Variants in OSBPL10 observed in about 807,000 individuals in gnomAD.
OSBPL10 encodes oxysterol-binding protein-related protein 10.
In OSBPL10, 49 loss-of-function variants were observed where a neutral mutation model predicts 81.7. The observed-to-expected ratio is 0.60, with a 90% CI of 0.48 to 0.76. The LOEUF is 0.76. Among genes scored for constraint, OSBPL10 ranks in the 30% least tolerant of loss-of-function variants. OSBPL10 has a pLI of 0.00. For missense variants in OSBPL10, 923 were observed against 987.8 expected, an observed-to-expected ratio of 0.93 and a Z score of 0.88; for synonymous variants, 419 against 383.6, an observed-to-expected ratio of 1.09 and a Z score of -1.08.
At position 31,741,103 on chromosome 3, in the gene OSBPL10, C is replaced by G. The variant is rs543270605; in HGVS notation, c.940+6807G>C. 1.0e-3 allele frequency among the ~76,000 whole-genome samples: 157 copies of G among 152,266 alleles called. 2 individuals carry two copies. Among genetic ancestry groups the G allele is most frequent in the Non-Finnish European group, 1.7e-3 (115 of 68,022 alleles). On this transcript the variant is annotated intron_variant, in intron 5 of 11. Transcript: ENST00000396556. ...CTACAAGGCCCCTGCAAGGTCTTTC[C>G]TCTTCCTGTAACAGTGAATTCATGC...
rs78395032 is a variant in OSBPL10, at chr3:32,046,152, G to T, written n.298+339C>A. The stretch of plus-strand genomic sequence containing the variant: ...CCTAGCACTTTGGGAGGCCAAGGAG[G>T]GAGGATCAGGAGTTCAAGGTTGCAC... On this transcript the variant is annotated intron_variant and non_coding_transcript_variant, in intron 2 of 3. Transcript: ENST00000479173. Among the ~76,000 whole-genome samples the T allele has an allele frequency of 5.1e-3, 781 of 152,324 alleles. 21 individuals are homozygous for T. In the East Asian group the frequency reaches 0.088, roughly 17 times the overall value.
rs77467912 is a variant in OSBPL10 at position 31,792,860 on chromosome 3, C to G, written c.729+37180G>C. 5.0e-3 allele frequency among the ~76,000 whole-genome samples: 632 copies of G among 126,734 alleles called. 9 individuals carry two copies. Among genetic ancestry groups the G allele is most frequent in the Middle Eastern group, 0.016 (4 of 250 alleles). The allele number at this position is 126,734 out of a possible 152,430, so 83.1% of individuals were successfully genotyped here. The stretch of plus-strand genomic sequence containing the variant: ...TTGCACTCTCAGCTATCTAGGCACT[C>G]TGTGTGTGTGTGTGTGTGTGTGTGT... On this transcript the variant is annotated intron_variant, in intron 4 of 11. Transcript: ENST00000396556.
chr3:31,812,311 C>T (rs905049265), intron 4 of OSBPL10, among the ~76,000 whole-genome samples: 2 of 152,210 alleles, frequency 1.3e-5, no homozygotes, highest in African/African-American at 2.4e-5. Flanking sequence ...GGATTACAGG[C>T]GTAAGCCACC....
At chr3:31,898,006 CAAAAAAAAAAAAAA>C (rs58479197) in intron 1 of OSBPL10, among the ~76,000 whole-genome samples, 69 of 62,478 alleles carry the variant, frequency 1.1e-3, no homozygotes, top group African/African-American at 2.3e-3. Context: ...AGAACTCTGT[CAAAAAAAAAAAAAA>C]AAAAAAAAAA....
intron 1 of OSBPL10, among the ~76,000 whole-genome samples, chr3:31,887,047 C>A (rs1361093199): frequency 6.6e-6 from 1 of 152,048 alleles, no homozygotes; most frequent in Non-Finnish European, 1.5e-5. Flanking sequence ...GAGACTGAGA[C>A]CCTCCCTACC....
chr3:31,683,529 A>T, intron 8 of OSBPL10, 105 bp downstream of exon 8: 2 of 1,475,414 alleles, frequency 1.4e-6, no homozygotes, highest in Non-Finnish European at 1.8e-6. Flanking sequence ...AAACCAGTTA[A>T]AAACAACAAC....
chr3:31,955,108 C>A (rs1164227082), intron 1 of OSBPL10, among the ~76,000 whole-genome samples: 1 of 152,212 alleles, frequency 6.6e-6, no homozygotes, highest in Non-Finnish European at 1.5e-5. Context: ...ATCATAGAAG[C>A]TACTGGCATC....
intron 1 of OSBPL10, among the ~76,000 whole-genome samples, chr3:32,052,843 T>C (rs111940184): frequency 0.056 from 8,531 of 152,036 alleles, 372 homozygotes; most frequent in African/African-American, 0.12. Context: ...AGGACAAATA[T>C]CTAAAGCATG....
intron 4 of OSBPL10, among the ~76,000 whole-genome samples, chr3:31,827,704 G>A (rs77904424): frequency 6.6e-6 from 1 of 152,044 alleles, no homozygotes; most frequent in East Asian, 1.9e-4. Context: ...GTAATACACA[G>A]GGAAAAAAAC....
chr3:31,716,953 A>T (rs935330506), intron 6 of OSBPL10: 1 of 152,186 alleles, frequency 6.6e-6, no homozygotes, highest in Non-Finnish European at 1.5e-5. Context: ...ACACTCTCCA[A>T]TGGAAATTTC....
intron 2 of OSBPL10, among the ~76,000 whole-genome samples, chr3:32,014,224 G>A (rs922010449): frequency 3.9e-5 from 6 of 152,138 alleles, no homozygotes; most frequent in Admixed American, 3.9e-4. Flanking sequence ...GAATCCAGCA[G>A]CACATCAAAA....
At chr3:31,720,600 G>A (rs970078939) in intron 6 of OSBPL10, among the ~76,000 whole-genome samples, 8 of 152,042 alleles carry the variant, frequency 5.3e-5, no homozygotes, top group Admixed American at 3.9e-4. Context: ...CTGTAGGTGG[G>A]AAAATGGCCC....
intron 1 of OSBPL10, among the ~76,000 whole-genome samples, chr3:31,926,793 C>T (rs1697087148): frequency 6.6e-6 from 1 of 152,134 alleles, no homozygotes; most frequent in South Asian, 2.1e-4. Flanking sequence ...CACAGTTGCA[C>T]TTCCTCAGCC....
At chr3:31,860,487 G>A (rs1016604221) in intron 3 of OSBPL10, among the ~76,000 whole-genome samples, 1 of 152,174 alleles carries the variant, frequency 6.6e-6, no homozygotes, top group Non-Finnish European at 1.5e-5. Context: ...AGGCAATAAA[G>A]AGACAAGGAA....
chr3:31,991,212 A>C (rs1699025498), intron 2 of OSBPL10: 1 of 497,326 alleles, frequency 2.0e-6, no homozygotes, highest in South Asian at 3.2e-5. Context: ...GTGGGAGGTC[A>C]AGACGGATAG....
Position 31,981,142 on chromosome 3 carries a change from C to G in OSBPL10, c.38G>C (p.Gly13Ala), listed in dbSNP as rs751501798. Reference protein sequence around the residue: ...RAVQGTDGGGGSNSSSRSSSR... With the variant: ...RAVQGTDGGGASNSSSRSSSR... ...GCTGCTGCGGCTGCTGCTGTTGCTA[C>G]CCCCGCCGCCGTCTGTGCCCTGGAC... Residue 13 changes from glycine (G) to alanine (A), a missense_variant, in exon 1 of 12, where the codon GGT becomes GCT. By Grantham distance (60) the Gly-to-Ala change is moderately conservative. Around this residue, in one of 3 missense-constraint regions of OSBPL10, gnomAD observed 514 missense variants for 508.0 expected, o/e 1.01. Coordinates refer to ENST00000396556, the MANE Select transcript of OSBPL10 (RefSeq NM_017784.5). The surrounding 1 kb of genome is among the most constrained non-coding windows in gnomAD (Gnocchi z 4.5). The G allele has an allele frequency of 2.0e-6, 3 of 1,490,710 alleles. No individual in the cohort carries two copies. The highest frequency in any genetic ancestry group is 1.3e-5 in the South Asian group (1 of 79,198). 92.3% of individuals were successfully genotyped at this position (1,490,710 alleles called of 1,614,324 possible).
chr3:31,681,326 G>A (rs1005906929), intron 8 of OSBPL10, among the ~76,000 whole-genome samples: 1 of 152,172 alleles, frequency 6.6e-6, no homozygotes, highest in Non-Finnish European at 1.5e-5. Context: ...CTATGCAAGA[G>A]GGGGAGCAGC....
chr3:31,823,041 A>G (rs1271003568), intron 4 of OSBPL10, among the ~76,000 whole-genome samples: 2 of 151,988 alleles, frequency 1.3e-5, no homozygotes, highest in Non-Finnish European at 2.9e-5. Context: ...GATTTCATTT[A>G]TAAAACAATT....
intron 1 of OSBPL10, among the ~76,000 whole-genome samples, chr3:31,945,824 C>T (rs1179786920): frequency 6.6e-6 from 1 of 152,116 alleles, no homozygotes; most frequent in Admixed American, 6.5e-5. Context: ...TGGTCTGGTA[C>T]GAATAACGTA....
Sources: gnomAD v4.1 joint callset for allele counts (sites outside exome capture counted in the v4.1 genomes callset) on GRCh38, gnomAD v4.1.1 for gene constraint, gnomAD v4.1.1 regional missense constraint, Gnocchi (gnomAD v3.1) non-coding constraint, MANE v1.5 for transcripts, NCBI Gene and HGNC (gene_info 2026-07-23, HGNC 2026-07-21) for gene names.